Variants in UQCRB observed in about 807,000 individuals in gnomAD.
UQCRB encodes cytochrome b-c1 complex subunit 7.
A neutral mutation model predicts 19.8 loss-of-function variants in UQCRB; 12 were observed. The ratio of observed to expected loss-of-function variants is 0.61; its 90% CI spans 0.39 to 0.98. The LOEUF (loss-of-function observed/expected upper bound fraction) is 0.98, where lower values mean the gene tolerates loss of function less well. Ranked by LOEUF, UQCRB falls within the 50% of genes least tolerant of loss-of-function variation. The pLI is 0.00. For missense variants in UQCRB, 142 were observed against 131.8 expected (o/e 1.08, Z -0.38); for synonymous variants, 39 against 42.9 (o/e 0.91, Z 0.35).
In UQCRB at chr8:96,225,346, G is replaced by A. The variant is rs958895564; in HGVS notation, c.*5709C>T. Among the ~76,000 whole-genome samples, 4 of 152,176 alleles carry A rather than the reference G, an allele frequency of 2.6e-5. No individual in the cohort carries two copies. Among genetic ancestry groups the A allele is most frequent in the South Asian group, 2.1e-4 (1 of 4,832 alleles). The stretch of plus-strand genomic sequence containing the variant: ...GCAGGAATGCAATAAAGGGACCCTC[G>A]TGATTGCTTAGATGAATATAAATTA... On this transcript the variant is annotated 3_prime_UTR_variant, in exon 4 of 4. Coordinates refer to ENST00000287022, the MANE Select transcript of UQCRB (RefSeq NM_006294.5).
Position 96,231,911 on chromosome 8 carries a change from C to G in UQCRB, c.121G>C (p.Asp41His). ...GLMRDDTIYE[D>H]EDVKEAIRRL... ...CTTATGGCTTCTTTTACATCTTCAT[C>G]CTCGTATATTGTATCATCTCGCATT... The change falls in exon 3 of 4, where the codon GAT becomes CAT. Residue 41 changes from aspartate to histidine, a missense_variant. Physicochemically the swap from Asp to His is moderately conservative, Grantham distance 81. Coordinates refer to ENST00000287022, the MANE Select transcript of UQCRB (RefSeq NM_006294.5). 6.2e-7 allele frequency: 1 copy of G among 1,613,714 alleles called. No homozygotes were observed. The highest frequency in any genetic ancestry group is 8.5e-7 in the Non-Finnish European group (1 of 1,180,004).
At chr8:96,234,063 A>G (rs1195172081) in intron 1 of UQCRB, 2 of 153,700 alleles carry the variant, frequency 1.3e-5, no homozygotes, top group African/African-American at 4.8e-5. Context: ...GGAGAGGTAG[A>G]ACAGGTTTGT....
At position 96,225,030 on chromosome 8, in the gene UQCRB, G is replaced by A. The variant is rs1278442527; in HGVS notation, c.*6025C>T. ...ATTTCAGCAAATGTAAGTAAAAGGG[G>A]TACTATCTAAACATATAAAGGTCTC... On this transcript the variant is annotated 3_prime_UTR_variant, in exon 4 of 4. Coordinates refer to ENST00000287022, the MANE Select transcript of UQCRB (RefSeq NM_006294.5). Among the ~76,000 whole-genome samples the A allele has an allele frequency of 6.6e-6, 1 of 152,042 alleles. No individual in the cohort carries two copies. Among genetic ancestry groups the A allele is most frequent in the East Asian group, 1.9e-4 (1 of 5,190 alleles).
At position 96,231,850 on chromosome 8, in the gene UQCRB, A is replaced by AAC; in HGVS notation, c.180_181dup (p.Phe61CysfsTer10). 6.2e-7 allele frequency: 1 copy of AAC among 1,614,136 alleles called. No individual in the cohort carries two copies. The highest frequency in any genetic ancestry group is 8.5e-7 in the Non-Finnish European group (1 of 1,180,030). On this transcript the variant is annotated frameshift_variant, in exon 3 of 4. Transcript: ENST00000287022. LOFTEE classifies it high-confidence loss of function. Reference sequence around the variant, plus strand: ...CAGGTCCAGTGCCCTCTTAATGCGAAACATCCTGTCATTATAAAGGTTCTC... The same window carrying AAC: ...CAGGTCCAGTGCCCTCTTAATGCGAAACACATCCTGTCATTATAAAGGTTCTC...
rs554612772 is a variant in UQCRB at position 96,228,042 on chromosome 8, C to T, written c.*3013G>A. ...GCTGGCAATTGGGGGTCTGAAGGCC[C>T]GACATCCCTTACGCTGCTTCCTACA... On this transcript the variant is annotated 3_prime_UTR_variant, in exon 4 of 4. Transcript: ENST00000287022. The T allele has an allele frequency of 8.8e-6, 4 of 453,934 alleles. No individual in the cohort carries two copies. Among genetic ancestry groups the T allele is most frequent in the South Asian group, 1.6e-5 (1 of 64,478 alleles). The allele number at this position is 453,934 out of a possible 1,614,324, so 28.1% of individuals were successfully genotyped here.
In UQCRB at chr8:96,228,586, T is replaced by C. The variant is rs1809581238; in HGVS notation, c.*2469A>G. On this transcript the variant is annotated 3_prime_UTR_variant, in exon 4 of 4. Coordinates refer to ENST00000287022, the MANE Select transcript of UQCRB (RefSeq NM_006294.5). ...GTTTTCCCAAGTTATTCTTTCTCGC[T>C]TCTCAGCACATAATTTACATTATGC... 2.2e-6 allele frequency: 1 copy of C among 454,042 alleles called. No homozygotes were observed. The highest frequency in any genetic ancestry group is 4.4e-6 in the Non-Finnish European group (1 of 226,806). 28.1% of individuals were successfully genotyped at this position (454,042 alleles called of 1,614,324 possible).
intron 3 of UQCRB, chr8:96,231,358 A>T (rs752393583): frequency 5.8e-6 from 9 of 1,544,002 alleles, no homozygotes; most frequent in Non-Finnish European, 7.8e-6. Flanking sequence ...CGGGAAGAAA[A>T]AGAAATGAAT....
chr8:96,228,344 A>G lies in UQCRB; in HGVS notation c.*2711T>C. The G allele has an allele frequency of 2.2e-6, 1 of 454,102 alleles. No individual in the cohort carries two copies. 28.1% of individuals were successfully genotyped at this position (454,102 alleles called of 1,614,324 possible). A position where few individuals can be genotyped will look rare whatever the true frequency, so the allele number is the denominator to read the frequency against. On this transcript the variant is annotated 3_prime_UTR_variant, in exon 4 of 4. Transcript: ENST00000287022. The stretch of plus-strand genomic sequence containing the variant: ...AGTTTTAAAATGTCACCCATCCAAA[A>G]CACAAAACAGGGAGATAGCCAAGTC...
intron 1 of UQCRB, 38 bp downstream of exon 1, chr8:96,235,474 C>G (rs991998442): frequency 6.2e-7 from 1 of 1,614,038 alleles, no homozygotes; most frequent in Non-Finnish European, 8.5e-7. Context: ...AACGGTGAAG[C>G]GCGACGATGC....
rs1269807848 is a variant in UQCRB at position 96,228,859 on chromosome 8, A to G, written c.*2196T>C. 4 of 453,980 alleles carry G rather than the reference A, an allele frequency of 8.8e-6. No individual in the cohort carries two copies. The highest frequency in any genetic ancestry group is 8.8e-6 in the Non-Finnish European group (2 of 226,788). The allele number at this position is 453,980 out of a possible 1,614,324, so 28.1% of individuals were successfully genotyped here. A position where few individuals can be genotyped will look rare whatever the true frequency, so the allele number is the denominator to read the frequency against. The stretch of plus-strand genomic sequence containing the variant: ...GACAATGTAGACCAGACTACAGGAC[A>G]ATGTAGATTTGGTCTACAGGACAAT... On this transcript the variant is annotated 3_prime_UTR_variant, in exon 4 of 4. Coordinates refer to ENST00000287022, the MANE Select transcript of UQCRB (RefSeq NM_006294.5).
At position 96,230,030 on chromosome 8, in the gene UQCRB, A is replaced by G. The variant is rs1209949689; in HGVS notation, c.*1025T>C. 3 of 454,108 alleles carry G rather than the reference A, an allele frequency of 6.6e-6. No individual in the cohort carries two copies. The highest frequency in any genetic ancestry group is 1.3e-5 in the Non-Finnish European group (3 of 226,794). The allele number at this position is 454,108 out of a possible 1,614,324, so 28.1% of individuals were successfully genotyped here. A position where few individuals can be genotyped will look rare whatever the true frequency, so the allele number is the denominator to read the frequency against. On this transcript the variant is annotated 3_prime_UTR_variant, in exon 4 of 4. Transcript: ENST00000287022. Reference sequence around the variant, plus strand: ...GCTGTGGCTCCACACTCTCACCTCTACCAAAGAAAGCATTTCAGAATTTAG... The same window carrying G: ...GCTGTGGCTCCACACTCTCACCTCTGCCAAAGAAAGCATTTCAGAATTTAG...
chr8:96,233,310 A>G, intron 1 of UQCRB, 83 bp from the exon 2 acceptor site: 3 of 1,248,106 alleles, frequency 2.4e-6, no homozygotes, highest in Non-Finnish European at 3.5e-6. Flanking sequence ...GTACTCAGTT[A>G]TCTTGCTGAT....
Position 96,229,244 on chromosome 8 carries a change from T to C in UQCRB, c.*1811A>G. 2 of 454,144 alleles carry C rather than the reference T, an allele frequency of 4.4e-6. No homozygotes were observed. Among genetic ancestry groups the C allele is most frequent in the South Asian group, 3.1e-5 (2 of 64,476 alleles). The allele number at this position is 454,144 out of a possible 1,614,324, so 28.1% of individuals were successfully genotyped here. On this transcript the variant is annotated 3_prime_UTR_variant, in exon 4 of 4. Coordinates refer to ENST00000287022, the MANE Select transcript of UQCRB (RefSeq NM_006294.5). ...CCTTATGTAATACCACACTTTACCTTGAGCAGGTGGATAGCCTGGGGGTTC... is the reference window on the plus strand; with the variant it reads ...CCTTATGTAATACCACACTTTACCTCGAGCAGGTGGATAGCCTGGGGGTTC...
At chr8:96,233,005 T>C (rs2129814711) in intron 2 of UQCRB, 151 bp downstream of exon 2, 1 of 693,012 alleles carries the variant, frequency 1.4e-6, no homozygotes, top group East Asian at 2.7e-5. Flanking sequence ...CATAATGTGA[T>C]TTAATTTTAA....
intron 1 of UQCRB, chr8:96,234,593 A>C: frequency 1.0e-5 from 10 of 991,164 alleles, no homozygotes; most frequent in African/African-American, 5.0e-5. Flanking sequence ...AAAAAGCTCA[A>C]TGTCAATTAG....
chr8:96,233,239 C>T lies in UQCRB; in HGVS notation c.20-12G>A. The T allele has an allele frequency of 6.2e-7, 1 of 1,612,992 alleles. No homozygotes were observed. ...GCCTGATGCTGAAACTGATAATTGTCACACTGTTAATTGCTACAATTTAAT... is the reference window on the plus strand; with the variant it reads ...GCCTGATGCTGAAACTGATAATTGTTACACTGTTAATTGCTACAATTTAAT... On this transcript the variant is annotated splice_polypyrimidine_tract_variant and intron_variant, in intron 1 of 3. Coordinates refer to ENST00000287022, the MANE Select transcript of UQCRB (RefSeq NM_006294.5).
intron 2 of UQCRB, 94 bp from the exon 3 acceptor site, chr8:96,232,034 C>G: frequency 8.1e-7 from 1 of 1,235,318 alleles, no homozygotes. Context: ...TAACTTACAA[C>G]TTTTGGTGAA....
In UQCRB at chr8:96,229,784, A is replaced by AG. The variant is rs1809616475; in HGVS notation, c.*1270dup. On this transcript the variant is annotated 3_prime_UTR_variant, in exon 4 of 4. Coordinates refer to ENST00000287022, the MANE Select transcript of UQCRB (RefSeq NM_006294.5). ...GCGAAAGGAAAAAAAAAAGCGGGGG[A>AG]GGGGGTTCCTAGAGAATTTAAGAGG... The AG allele has an allele frequency of 2.2e-6, 1 of 453,266 alleles. No individual in the cohort carries two copies. The highest frequency in any genetic ancestry group is 1.6e-5 in the South Asian group (1 of 64,328). 28.1% of individuals were successfully genotyped at this position (453,266 alleles called of 1,614,324 possible). A position where few individuals can be genotyped will look rare whatever the true frequency, so the allele number is the denominator to read the frequency against.
In UQCRB at chr8:96,228,906, C is replaced by T. The variant is rs979564082; in HGVS notation, c.*2149G>A. ...CAATGCAGAGTGCCTGTGTTTCAGG[C>T]ACTCTCATGGTGATTTTCCACACAG... On this transcript the variant is annotated 3_prime_UTR_variant, in exon 4 of 4. Transcript: ENST00000287022. 2.0e-5 allele frequency: 9 copies of T among 453,918 alleles called. No homozygotes were observed. The highest frequency in any genetic ancestry group is 3.5e-5 in the Non-Finnish European group (8 of 226,776). The allele number at this position is 453,918 out of a possible 1,614,324, so 28.1% of individuals were successfully genotyped here. A position where few individuals can be genotyped will look rare whatever the true frequency, so the allele number is the denominator to read the frequency against.
Sources: allele counts gnomAD v4.1 joint callset (sites outside exome capture counted in the v4.1 genomes callset), GRCh38; gene constraint gnomAD v4.1.1; transcripts MANE v1.5; gene names NCBI Gene and HGNC (gene_info 2026-07-23, HGNC 2026-07-21).